NFIB: variants seen among roughly 807,000 people sequenced by gnomAD.
NFIB encodes nuclear factor 1 B-type.
A neutral mutation model predicts 61.5 loss-of-function variants in NFIB; 11 were observed. That is an observed-to-expected ratio of 0.18 (90% CI 0.11 to 0.30). The LOEUF (loss-of-function observed/expected upper bound fraction) is 0.30, where lower values mean the gene tolerates loss of function less well. Among genes scored for constraint, NFIB ranks in the 10% least tolerant of loss-of-function variants. The pLI, the probability that NFIB is intolerant of heterozygous loss-of-function variation, is 1.00. For missense variants in NFIB, 471 were observed against 608.9 expected, an observed-to-expected ratio of 0.77 and a Z score of 2.38; for synonymous variants, 260 against 216.5, an observed-to-expected ratio of 1.20 and a Z score of -1.76.
chr9:14,195,021 T>C lies in NFIB; in HGVS notation c.563-15241A>G, dbSNP rs543054960. 2.8e-3 allele frequency among the ~76,000 whole-genome samples: 430 copies of C among 152,194 alleles called. 2 individuals are homozygous for C. The highest frequency in any genetic ancestry group is 9.8e-3 in the African/African-American group (408 of 41,520). On this transcript the variant is annotated intron_variant, in intron 2 of 10. Coordinates refer to ENST00000380953, the MANE Select transcript of NFIB (RefSeq NM_001190737.2). ...AAGCTTCTCCACAATGTTCTATACC[T>C]GACCCTGGAAGGAAATCCTATTCTT...
chr9:14,382,393 A>T (rs891689182), intron 1 of NFIB, among the ~76,000 whole-genome samples: 7 of 151,962 alleles, frequency 4.6e-5, no homozygotes, highest in Non-Finnish European at 8.8e-5. Context: ...GAGTCTGTCC[A>T]TTTGTGGTTC....
At chr9:14,482,688 C>A in the NFIB span, among the ~76,000 whole-genome samples, 1 of 152,132 alleles carries the variant, frequency 6.6e-6, no homozygotes, top group African/African-American at 2.4e-5. Flanking sequence ...TTTAAATATG[C>A]CATTTCTCCC....
the NFIB span, among the ~76,000 whole-genome samples, chr9:14,486,125 T>G: frequency 6.6e-6 from 1 of 152,148 alleles, no homozygotes; most frequent in Non-Finnish European, 1.5e-5. Flanking sequence ...AAGTAAAAGT[T>G]CTCTTGGTCA....
intron 2 of NFIB, among the ~76,000 whole-genome samples, chr9:14,245,006 G>C (rs565751754): frequency 6.6e-6 from 1 of 152,200 alleles, no homozygotes; most frequent in South Asian, 2.1e-4. Flanking sequence ...TCTTCTAAAA[G>C]TCAGCATTCC....
At chr9:14,407,586 A>C in the NFIB span, among the ~76,000 whole-genome samples, 2 of 152,238 alleles carry the variant, frequency 1.3e-5, no homozygotes, top group African/African-American at 4.8e-5. Flanking sequence ...CAAGGAAAAC[A>C]TGAATTAAAG....
intron 2 of NFIB, among the ~76,000 whole-genome samples, chr9:14,252,206 C>T (rs373511002): frequency 5.0e-4 from 76 of 152,100 alleles, no homozygotes; most frequent in Non-Finnish European, 7.5e-4. Context: ...TCAGGAATAG[C>T]AAACGGGCTG....
chr9:14,210,555 CACAA>C (rs1041604507), intron 2 of NFIB, among the ~76,000 whole-genome samples: 1 of 152,038 alleles, frequency 6.6e-6, no homozygotes, highest in African/African-American at 2.4e-5. Context: ...TGCACACTCA[CACAA>C]ACACACACCC....
intron 10 of NFIB, among the ~76,000 whole-genome samples, chr9:14,103,302 T>C (rs1239708425): frequency 2.0e-5 from 3 of 149,658 alleles, no homozygotes; most frequent in Non-Finnish European, 4.4e-5. Context: ...AAAAGATATA[T>C]TGCTTATTTT....
At chr9:14,261,631 C>A (rs2056764822) in intron 2 of NFIB, among the ~76,000 whole-genome samples, 2 of 152,154 alleles carry the variant, frequency 1.3e-5, no homozygotes, top group Admixed American at 6.5e-5. Flanking sequence ...TGCTTATATA[C>A]ACTCCTTCTT....
the NFIB span, among the ~76,000 whole-genome samples, chr9:14,445,601 G>C: frequency 6.6e-6 from 1 of 152,042 alleles, no homozygotes; most frequent in Non-Finnish European, 1.5e-5. Flanking sequence ...ATCTGTCAAT[G>C]TGCACATTAA....
chr9:14,289,069 G>T (rs1381405053), intron 2 of NFIB, among the ~76,000 whole-genome samples: 2 of 138,284 alleles, frequency 1.4e-5, no homozygotes, highest in African/African-American at 5.6e-5. Flanking sequence ...TTAGTCATTA[G>T]ATTTTCCAAA....
intron 4 of NFIB, among the ~76,000 whole-genome samples, chr9:14,153,574 A>C (rs572491747): frequency 6.6e-6 from 1 of 152,080 alleles, no homozygotes; most frequent in Admixed American, 6.6e-5. Flanking sequence ...TCACTCCAAA[A>C]GCTGATCCTA....
chr9:14,418,636 C>T, the NFIB span, among the ~76,000 whole-genome samples: 2 of 152,082 alleles, frequency 1.3e-5, no homozygotes, highest in Non-Finnish European at 2.9e-5. Context: ...TTTTGCAAGA[C>T]CCTATTAGGG....
At chr9:14,446,409 CTG>C in the NFIB span, among the ~76,000 whole-genome samples, 3 of 152,180 alleles carry the variant, frequency 2.0e-5, no homozygotes, top group Non-Finnish European at 4.4e-5. Flanking sequence ...CCCCACATGT[CTG>C]TGTCTTGGTT....
chr9:14,331,278 A>G (rs533534401), intron 1 of NFIB, among the ~76,000 whole-genome samples: 14 of 152,326 alleles, frequency 9.2e-5, no homozygotes, highest in African/African-American at 3.4e-4. Flanking sequence ...GATCCAGGTC[A>G]TTCTAATTCC....
chr9:14,276,548 G>A (rs910038359), intron 2 of NFIB, among the ~76,000 whole-genome samples: 2 of 151,998 alleles, frequency 1.3e-5, no homozygotes, highest in East Asian at 1.9e-4. Flanking sequence ...CATTATCTGC[G>A]GACTCAGGCT....
At chr9:14,202,689 T>G (rs1474977473) in intron 2 of NFIB, among the ~76,000 whole-genome samples, 1 of 152,210 alleles carries the variant, frequency 6.6e-6, no homozygotes, top group South Asian at 2.1e-4. Flanking sequence ...GACCCATATG[T>G]GTAGTATTTT....
intron 2 of NFIB, among the ~76,000 whole-genome samples, chr9:14,277,710 C>T (rs1046639294): frequency 3.3e-5 from 5 of 152,176 alleles, no homozygotes; most frequent in African/African-American, 9.7e-5. Flanking sequence ...GGGCTTCAAA[C>T]AGGGGGTTCA....
chr9:14,121,063 G>C (rs201822558), intron 7 of NFIB, among the ~76,000 whole-genome samples: 4 of 152,170 alleles, frequency 2.6e-5, no homozygotes, highest in Non-Finnish European at 5.9e-5. Flanking sequence ...AGGAGTTCGA[G>C]ACCAGCCTGG....
Sources: gnomAD v4.1 joint callset for allele counts (sites outside exome capture counted in the v4.1 genomes callset) on GRCh38, gnomAD v4.1.1 for gene constraint, MANE v1.5 for transcripts, NCBI Gene and HGNC (gene_info 2026-07-23, HGNC 2026-07-21) for gene names.